NEGR1: variants seen among roughly 807,000 people sequenced by gnomAD.
NEGR1 encodes the protein neuronal growth regulator 1.
A neutral mutation model predicts 40.9 loss-of-function variants in NEGR1; 10 were observed. The observed-to-expected ratio is 0.24, with a 90% confidence interval of 0.15 to 0.42. The LOEUF is 0.42. NEGR1 is among the 10% of genes least tolerant of loss of function. The pLI, the probability that NEGR1 is intolerant of heterozygous loss-of-function variation, is 1.00. For missense variants in NEGR1, 352 were observed against 438.9 expected, an observed-to-expected ratio of 0.80 and a Z score of 1.77; for synonymous variants, 185 against 166.8, an observed-to-expected ratio of 1.11 and a Z score of -0.84.
intron 1 of NEGR1, among the ~76,000 whole-genome samples, chr1:72,222,842 C>A (rs917511674): frequency 2.4e-4 from 36 of 152,288 alleles, no homozygotes; most frequent in African/African-American, 7.9e-4. Flanking sequence ...TACACACTTA[C>A]ATCAACAATC....
At chr1:71,613,680 AG>A (rs918399654) in intron 4 of NEGR1, among the ~76,000 whole-genome samples, 4 of 151,516 alleles carry the variant, frequency 2.6e-5, no homozygotes. Context: ...AGAATTTTGG[AG>A]GGAAACATTA....
intron 3 of NEGR1, among the ~76,000 whole-genome samples, chr1:71,711,692 A>G (rs1212709288): frequency 6.6e-6 from 1 of 152,152 alleles, no homozygotes; most frequent in African/African-American, 2.4e-5. Context: ...GAATGATTAT[A>G]TTAGCATTAC....
chr1:71,591,741 T>C (rs1029179453), intron 6 of NEGR1, among the ~76,000 whole-genome samples: 1 of 152,130 alleles, frequency 6.6e-6, no homozygotes, highest in Non-Finnish European at 1.5e-5. Flanking sequence ...TAATAAAAGA[T>C]GTAATATAAA....
intron 6 of NEGR1, among the ~76,000 whole-genome samples, chr1:71,527,108 A>G (rs951660444): frequency 7.3e-5 from 11 of 151,572 alleles, no homozygotes; most frequent in African/African-American, 2.7e-4. Flanking sequence ...TATTTCTCTT[A>G]TAGCACATAT....
intron 1 of NEGR1, among the ~76,000 whole-genome samples, chr1:72,148,842 C>T (rs1651011872): frequency 6.6e-6 from 1 of 152,128 alleles, no homozygotes; most frequent in Admixed American, 6.6e-5. Flanking sequence ...GTTTATATCG[C>T]CTTCAGCATT....
At chr1:72,225,509 CTT>C (rs2100490056) in intron 1 of NEGR1, among the ~76,000 whole-genome samples, 1 of 151,446 alleles carries the variant, frequency 6.6e-6, no homozygotes, top group East Asian at 1.9e-4. Flanking sequence ...GAAGTATTGA[CTT>C]TATAAATACT....
chr1:71,921,667 T>G (rs1645720946), intron 2 of NEGR1, among the ~76,000 whole-genome samples: 2 of 146,186 alleles, frequency 1.4e-5, no homozygotes, highest in African/African-American at 5.0e-5. Flanking sequence ...AGAATATATA[T>G]AGAATATTAT....
intron 2 of NEGR1, among the ~76,000 whole-genome samples, chr1:71,827,420 TTCAA>T (rs1658670304): frequency 6.6e-6 from 1 of 151,770 alleles, no homozygotes; most frequent in Non-Finnish European, 1.5e-5. Flanking sequence ...CACAACTCTA[TTCAA>T]TCAATGAAAA....
At chr1:71,699,422 A>G (rs906888214) in intron 3 of NEGR1, among the ~76,000 whole-genome samples, 4 of 151,878 alleles carry the variant, frequency 2.6e-5, no homozygotes, top group African/African-American at 9.7e-5. Context: ...CCATTTATCT[A>G]TCTAATCCTT....
At chr1:72,147,900 G>A (rs541965156) in intron 1 of NEGR1, among the ~76,000 whole-genome samples, 1 of 152,004 alleles carries the variant, frequency 6.6e-6, no homozygotes, top group East Asian at 1.9e-4. Context: ...ACTGATGCAA[G>A]AGGTGGGTTC....
intron 1 of NEGR1, among the ~76,000 whole-genome samples, chr1:72,033,116 G>A (rs1275540148): frequency 2.0e-5 from 3 of 151,910 alleles, no homozygotes; most frequent in Non-Finnish European, 4.4e-5. Context: ...AAATATAATA[G>A]CAAGAACACT....
intron 1 of NEGR1, among the ~76,000 whole-genome samples, chr1:71,998,909 CTT>C (rs1487614493): frequency 6.6e-6 from 1 of 151,734 alleles, no homozygotes; most frequent in Non-Finnish European, 1.5e-5. Flanking sequence ...TACACACACA[CTT>C]GGGATTATAA....
chr1:72,175,420 T>C (rs1652129719), intron 1 of NEGR1, among the ~76,000 whole-genome samples: 1 of 152,148 alleles, frequency 6.6e-6, no homozygotes, highest in Non-Finnish European at 1.5e-5. Flanking sequence ...ATTTTTCCTC[T>C]ACTTATGATA....
At chr1:71,885,300 G>A (rs1203651836) in intron 2 of NEGR1, among the ~76,000 whole-genome samples, 1 of 152,192 alleles carries the variant, frequency 6.6e-6, no homozygotes, top group Non-Finnish European at 1.5e-5. Flanking sequence ...GGTACTTATG[G>A]CTAGAGAGAA....
intron 1 of NEGR1, among the ~76,000 whole-genome samples, chr1:72,132,207 T>C (rs1650285356): frequency 6.6e-6 from 1 of 152,230 alleles, no homozygotes; most frequent in South Asian, 2.1e-4. Flanking sequence ...ATTTCCACAA[T>C]ATCTTGATAA....
At chr1:72,062,856 T>C (rs1486082) in intron 1 of NEGR1, among the ~76,000 whole-genome samples, 17,379 of 151,904 alleles carry the variant, frequency 0.11, 1,197 homozygotes, top group East Asian at 0.28. Context: ...CACATGGCAT[T>C]ATTAACCAAT....
At chr1:71,841,796 G>T (rs1659249034) in intron 2 of NEGR1, among the ~76,000 whole-genome samples, 1 of 152,090 alleles carries the variant, frequency 6.6e-6, no homozygotes. Flanking sequence ...TGTCCTAAAA[G>T]AAAAGAATAC....
intron 4 of NEGR1, among the ~76,000 whole-genome samples, chr1:71,656,404 TG>T (rs1247742337): frequency 6.6e-6 from 1 of 152,006 alleles, no homozygotes; most frequent in Non-Finnish European, 1.5e-5. Flanking sequence ...TGTTTGTTTT[TG>T]TTTTTTGTTG....
Position 72,241,510 on chromosome 1 carries a change from A to AACT in NEGR1, c.176+40806_176+40808dup, listed in dbSNP as rs552114740. ...AGAAAATGGTAATGTTAGTACCATAAACTAACTACTCATGTTTTGTAAAAA... is the reference window on the plus strand; with the variant it reads ...AGAAAATGGTAATGTTAGTACCATAAACTACTAACTACTCATGTTTTGTAAAAA... On this transcript the variant is annotated intron_variant, in intron 1 of 6. Transcript: ENST00000357731. Among the ~76,000 whole-genome samples the AACT allele has an allele frequency of 2.9e-4, 44 of 151,734 alleles. No homozygotes were observed. In the South Asian group the frequency reaches 4.4e-3, roughly 15 times the overall value.
Sources: gnomAD v4.1 joint callset for allele counts (sites outside exome capture counted in the v4.1 genomes callset) on GRCh38, gnomAD v4.1.1 for gene constraint, MANE v1.5 for transcripts, NCBI Gene and HGNC (gene_info 2026-07-23, HGNC 2026-07-21) for gene names.